The following COL21A1 variants were observed in gnomAD, a reference collection of about 807,000 sequenced individuals.
The protein encoded by COL21A1 is collagen alpha-1(XXI) chain.
Under a neutral mutation model 137.9 loss-of-function variants are expected in COL21A1, and 149 were observed. The ratio of observed to expected loss-of-function variants is 1.08; its 90% CI spans 0.95 to 1.24. The LOEUF (loss-of-function observed/expected upper bound fraction) is 1.24, where lower values mean the gene tolerates loss of function less well. Ranked by LOEUF, COL21A1 falls within the 50% of genes most tolerant of loss-of-function variation. The pLI is 0.00. For missense variants in COL21A1, 1,167 were observed against 1,158.4 expected (o/e 1.01, Z -0.11); for synonymous variants, 456 against 391.5 (o/e 1.16, Z -1.95).
chr6:56,181,652 CA>C, intron 2 of COL21A1, among the ~76,000 whole-genome samples: 1 of 152,154 alleles, frequency 6.6e-6, no homozygotes, highest in African/African-American at 2.4e-5. Flanking sequence ...CAAATAATGC[CA>C]TTTATAAGCC....
At chr6:56,176,563 A>C (rs1206544446) in intron 3 of COL21A1, among the ~76,000 whole-genome samples, 2 of 147,778 alleles carry the variant, frequency 1.4e-5, no homozygotes, top group East Asian at 4.2e-4. Context: ...CTACAATGAA[A>C]TGTTACCTCA....
chr6:56,099,099 A>G (rs1164115659), intron 17 of COL21A1, among the ~76,000 whole-genome samples: 1 of 151,916 alleles, frequency 6.6e-6, no homozygotes, highest in Non-Finnish European at 1.5e-5. Flanking sequence ...TGCTCCTCAC[A>G]TTGAATTATG....
At chr6:56,218,028 G>A (rs2152310559) in intron 1 of COL21A1, among the ~76,000 whole-genome samples, 1 of 152,132 alleles carries the variant, frequency 6.6e-6, no homozygotes, top group Middle Eastern at 3.4e-3. Context: ...GACACACTAT[G>A]CAAAGTACTT....
At chr6:56,115,903 TC>T (rs1771877793) in intron 16 of COL21A1, among the ~76,000 whole-genome samples, 1 of 151,536 alleles carries the variant, frequency 6.6e-6, no homozygotes, top group Non-Finnish European at 1.5e-5. Context: ...TGTATCAGAG[TC>T]CTTTAATAGC....
chr6:56,163,311 A>C (rs1776322139), intron 9 of COL21A1, among the ~76,000 whole-genome samples: 1 of 152,246 alleles, frequency 6.6e-6, no homozygotes, highest in South Asian at 2.1e-4. Flanking sequence ...TTTTAATATA[A>C]TGTTAAGTAA....
intron 1 of COL21A1, among the ~76,000 whole-genome samples, chr6:56,226,193 C>T (rs1419115338): frequency 1.3e-5 from 2 of 151,836 alleles, no homozygotes; most frequent in East Asian, 3.9e-4. Context: ...TAGGGCATAG[C>T]CGAATTACCT....
Position 56,064,609 on chromosome 6 carries a change from T to C in COL21A1, c.2141A>G (p.Glu714Gly), listed in dbSNP as rs762094164. 1.2e-5 allele frequency: 19 copies of C among 1,593,108 alleles called. No homozygotes were observed. In the South Asian group the frequency reaches 2.2e-4, roughly 18 times the overall value. ...CCCTGGAATTCCCTGTCTTCCATTTTCTCCCTTTTGACCCTTTAAAATAAA... is the reference window on the plus strand; with the variant it reads ...CCCTGGAATTCCCTGTCTTCCATTTCCTCCCTTTTGACCCTTTAAAATAAA... ...GEKGIQGQKG[E>G]NGRQGIPGQQ... Residue 714 changes from glutamate (E) to glycine (G), a missense_variant, in exon 24 of 30, where the codon GAA becomes GGA. Glu to Gly is a moderately conservative substitution (Grantham distance 98). Coordinates refer to ENST00000244728, the MANE Select transcript of COL21A1 (RefSeq NM_030820.4).
chr6:56,063,279 A>C (rs988776790), intron 24 of COL21A1, among the ~76,000 whole-genome samples: 8 of 152,184 alleles, frequency 5.3e-5, no homozygotes, highest in Non-Finnish European at 1.2e-4. Flanking sequence ...TTGTGAGTTC[A>C]AATTCTAAAG....
chr6:56,244,510 T>A (rs1782534420), intron 1 of COL21A1, among the ~76,000 whole-genome samples: 1 of 152,214 alleles, frequency 6.6e-6, no homozygotes, highest in South Asian at 2.1e-4. Flanking sequence ...CTATTTATAA[T>A]AAATTGGAAT....
At chr6:56,090,076 C>G (rs1055632322) in intron 17 of COL21A1, among the ~76,000 whole-genome samples, 2 of 152,046 alleles carry the variant, frequency 1.3e-5, no homozygotes, top group Non-Finnish European at 2.9e-5. Flanking sequence ...CCTGTCTCTA[C>G]TAAAATACAA....
chr6:56,270,141 G>T (rs1047774075), intron 1 of COL21A1, among the ~76,000 whole-genome samples: 5 of 152,074 alleles, frequency 3.3e-5, no homozygotes, highest in Admixed American at 1.3e-4. Context: ...TAAATAAAAA[G>T]ACAAGACCCA....
intron 17 of COL21A1, among the ~76,000 whole-genome samples, chr6:56,101,097 T>C (rs62411454): frequency 0.085 from 12,967 of 152,224 alleles, 608 homozygotes; most frequent in African/African-American, 0.13. Flanking sequence ...TTCTTAGTCA[T>C]GTTTCTCTAC....
chr6:56,194,029 G>A (rs886706563), intron 1 of COL21A1, among the ~76,000 whole-genome samples: 9 of 152,158 alleles, frequency 5.9e-5, no homozygotes, highest in Non-Finnish European at 1.2e-4. Context: ...GAGCCACCAT[G>A]GCCAGCTGAG....
At chr6:56,142,475 G>T (rs1774488935) in intron 10 of COL21A1, among the ~76,000 whole-genome samples, 1 of 152,106 alleles carries the variant, frequency 6.6e-6, no homozygotes, top group African/African-American at 2.4e-5. Flanking sequence ...AATGTAAGAA[G>T]GTGGTTATGA....
chr6:56,276,316 T>C (rs1582750320), intron 1 of COL21A1, among the ~76,000 whole-genome samples: 1 of 152,286 alleles, frequency 6.6e-6, no homozygotes, highest in East Asian at 1.9e-4. Flanking sequence ...AACCTCAGCA[T>C]CATGCAATAG....
intron 1 of COL21A1, among the ~76,000 whole-genome samples, chr6:56,278,486 C>A (rs886331580): frequency 6.6e-6 from 1 of 152,146 alleles, no homozygotes; most frequent in African/African-American, 2.4e-5. Flanking sequence ...ACACTGCATA[C>A]CCCACCATTC....
chr6:56,313,953 T>C lies in COL21A1; in HGVS notation c.-39+80018A>G, dbSNP rs192652236. On this transcript the variant is annotated intron_variant, in intron 1 of 28. Coordinates refer to the COL21A1 transcript ENST00000370819. ...CAGTCTGTTTTCTGCTCTTTCTGCT[T>C]TGCCAAGAAATAATACTCTGAAATC... Among the ~76,000 whole-genome samples, 371 of 152,298 alleles carry C rather than the reference T, an allele frequency of 2.4e-3. 1 individual carries two copies. In the Middle Eastern group the frequency reaches 0.031, roughly 13 times the overall value.
chr6:56,187,355 G>C (rs142786665), intron 1 of COL21A1, among the ~76,000 whole-genome samples: 34 of 152,214 alleles, frequency 2.2e-4, no homozygotes, highest in African/African-American at 8.2e-4. Context: ...CCTCTTAAAG[G>C]ACCCACCTCC....
intron 1 of COL21A1, among the ~76,000 whole-genome samples, chr6:56,362,058 A>C (rs1765985833): frequency 6.6e-6 from 1 of 152,180 alleles, no homozygotes; most frequent in South Asian, 2.1e-4. Context: ...TTGCCCCTGG[A>C]AACCCTTGCC....
Sources: gnomAD v4.1 joint callset for allele counts (sites outside exome capture counted in the v4.1 genomes callset) on GRCh38, gnomAD v4.1.1 for gene constraint, MANE v1.5 for transcripts, NCBI Gene and HGNC (gene_info 2026-07-23, HGNC 2026-07-21) for gene names.